Variants in PDCL2 observed in about 807,000 individuals in gnomAD.
The protein encoded by PDCL2 is phosducin-like protein 2.
Under a neutral mutation model 30.3 loss-of-function variants are expected in PDCL2, and 23 were observed. The ratio of observed to expected loss-of-function variants is 0.76; its 90% CI spans 0.55 to 1.08. The LOEUF is 1.08. Among genes scored for constraint, PDCL2 ranks in the 50% least tolerant of loss-of-function variants. The probability of loss-of-function intolerance (pLI) is 0.00; values close to 1 mark genes in which losing one functional copy is unlikely to be tolerated. For synonymous variants in PDCL2, 68 were observed against 86.2 expected (o/e 0.79, Z 1.17); for missense variants, 243 against 282.3 (o/e 0.86, Z 1.00).
In PDCL2 at chr4:55,582,193, G is replaced by A. The variant is rs780180638; in HGVS notation, c.51C>T (p.Phe17=). The change falls in exon 2 of 6, where the codon TTC becomes TTT. Residue 17 remains phenylalanine, a synonymous_variant. Transcript: ENST00000295645. ...ACTCTTCTTTAGGAGGAAGAATGCC[G>A]AAATCTCTTAAAATGTCATTCCATT... ...DTEWNDILRD[F]GILPPKEESK... is the part of the protein sequence containing the mutation. The A allele has an allele frequency of 1.8e-5, 29 of 1,611,418 alleles. No individual in the cohort carries two copies. The highest frequency in any genetic ancestry group is 4.0e-5 in the African/African-American group (3 of 74,846).
At chr4:55,574,647 C>T (rs1035881493) in intron 3 of PDCL2, among the ~76,000 whole-genome samples, 3 of 152,160 alleles carry the variant, frequency 2.0e-5, no homozygotes, top group African/African-American at 7.2e-5. Context: ...ACAATAAACC[C>T]ATATCTATTT....
chr4:55,558,628 C>T (rs557592329), intron 5 of PDCL2, among the ~76,000 whole-genome samples: 1 of 152,258 alleles, frequency 6.6e-6, no homozygotes, highest in South Asian at 2.1e-4. Context: ...CAATGTTATT[C>T]AAGACCTAAG....
intron 4 of PDCL2, among the ~76,000 whole-genome samples, chr4:55,563,643 T>C (rs961335568): frequency 2.0e-5 from 3 of 152,146 alleles, no homozygotes; most frequent in Non-Finnish European, 4.4e-5. Context: ...AACATGTACA[T>C]GAGAGAGGAA....
At chr4:55,565,108 C>A (rs1732228727) in intron 4 of PDCL2, among the ~76,000 whole-genome samples, 1 of 152,176 alleles carries the variant, frequency 6.6e-6, no homozygotes, top group Admixed American at 6.5e-5. Context: ...AGCCATTATT[C>A]TGGAAGTCAC....
At chr4:55,572,428 T>C (rs2110159658) in intron 3 of PDCL2, among the ~76,000 whole-genome samples, 1 of 152,362 alleles carries the variant, frequency 6.6e-6, no homozygotes, top group Non-Finnish European at 1.5e-5. Flanking sequence ...CACACTATTG[T>C]TGGCTTTACT....
rs562072485 is a variant in PDCL2 at position 55,562,925 on chromosome 4, A to C, written c.363-313T>G. Among the ~76,000 whole-genome samples the C allele has an allele frequency of 1.7e-4, 22 of 130,046 alleles. No individual in the cohort carries two copies. The South Asian group carries it at 4.9e-3, about 29-fold the overall frequency. The allele number at this position is 130,046 out of a possible 152,430, so 85.3% of individuals were successfully genotyped here. A position where few individuals can be genotyped will look rare whatever the true frequency, so the allele number is the denominator to read the frequency against. ...ACCCAGTTTGTAGAAAAAAAAAAAAAAAACAGGACACTTCTAGGAAATCCT... is the reference window on the plus strand; with the variant it reads ...ACCCAGTTTGTAGAAAAAAAAAAAACAAACAGGACACTTCTAGGAAATCCT... On this transcript the variant is annotated intron_variant, in intron 4 of 5. Transcript: ENST00000295645.
At chr4:55,583,260 A>G (rs977958815) in intron 1 of PDCL2, among the ~76,000 whole-genome samples, 2 of 152,088 alleles carry the variant, frequency 1.3e-5, no homozygotes, top group Non-Finnish European at 2.9e-5. Flanking sequence ...CTAATTTTAA[A>G]ATTGGGTTGT....
intron 3 of PDCL2, among the ~76,000 whole-genome samples, chr4:55,571,021 A>G (rs748280892): frequency 1.3e-5 from 2 of 152,072 alleles, no homozygotes; most frequent in African/African-American, 2.4e-5. Flanking sequence ...TCTAGGGCCC[A>G]TACCCTCAAT....
intron 1 of PDCL2, among the ~76,000 whole-genome samples, chr4:55,587,803 G>A (rs1193306964): frequency 6.6e-6 from 1 of 152,038 alleles, no homozygotes; most frequent in East Asian, 1.9e-4. Context: ...TGATCCACCT[G>A]CCTCAGCCTC....
chr4:55,578,565 A>G (rs376822638), intron 3 of PDCL2, among the ~76,000 whole-genome samples: 1 of 150,368 alleles, frequency 6.7e-6, no homozygotes, highest in Admixed American at 6.6e-5. Flanking sequence ...CTATTCTGCT[A>G]TTTTCCCTGA....
chr4:55,572,431 G>A (rs1172603415), intron 3 of PDCL2, among the ~76,000 whole-genome samples: 1 of 152,124 alleles, frequency 6.6e-6, no homozygotes, highest in East Asian at 1.9e-4. Flanking sequence ...ACTATTGTTG[G>A]CTTTACTATC....
At chr4:55,562,653 C>A (rs2279458) in intron 4 of PDCL2, 41 bp from the exon 5 acceptor site, 2 of 1,346,918 alleles carry the variant, frequency 1.5e-6, no homozygotes, top group African/African-American at 1.5e-5. Flanking sequence ...AATAAATGGG[C>A]TACTCATCTC....
At chr4:55,569,989 T>A (rs1732379058) in intron 3 of PDCL2, 128 bp from the exon 4 acceptor site, 1 of 616,710 alleles carries the variant, frequency 1.6e-6, no homozygotes, top group Admixed American at 3.6e-5. Flanking sequence ...AATGATGGGA[T>A]AACCATGAAT....
In PDCL2 at chr4:55,580,197, C is replaced by G. The variant is rs1480995005; in HGVS notation, c.218+624G>C. Among the ~76,000 whole-genome samples, 4 of 152,278 alleles carry G rather than the reference C, an allele frequency of 2.6e-5. No individual in the cohort carries two copies. The East Asian group carries it at 5.8e-4, about 22-fold the overall frequency. ...TCTTGCATTCCTGCAATCAATACTA[C>G]TTGATCAAGATTTATTATTTCCTTA... is the stretch of plus-strand genomic sequence containing the variant. On this transcript the variant is annotated intron_variant, in intron 3 of 5. Transcript: ENST00000295645.
intron 3 of PDCL2, among the ~76,000 whole-genome samples, chr4:55,577,902 G>A (rs905069776): frequency 1.3e-5 from 2 of 152,122 alleles, no homozygotes; most frequent in African/African-American, 4.8e-5. Context: ...TATGCCTTGT[G>A]ATTTTTGTTG....
intron 5 of PDCL2, among the ~76,000 whole-genome samples, 198 bp downstream of exon 5, chr4:55,562,206 G>C (rs1396028592): frequency 3.3e-5 from 5 of 152,094 alleles, no homozygotes; most frequent in Non-Finnish European, 7.4e-5. Context: ...TAATTTACTT[G>C]AGACAGGGAA....
At chr4:55,589,431 C>T (rs1233572117) in intron 1 of PDCL2, among the ~76,000 whole-genome samples, 1 of 152,180 alleles carries the variant, frequency 6.6e-6, no homozygotes, top group African/African-American at 2.4e-5. Flanking sequence ...TTTAAGGTTG[C>T]TGGACCACCC....
At chr4:55,577,641 C>G (rs186480822) in intron 3 of PDCL2, among the ~76,000 whole-genome samples, 1 of 152,142 alleles carries the variant, frequency 6.6e-6, no homozygotes, top group Non-Finnish European at 1.5e-5. Context: ...GAACTGGGGA[C>G]AAAGATCAGA....
intron 4 of PDCL2, among the ~76,000 whole-genome samples, chr4:55,568,536 G>A (rs956447781): frequency 6.6e-6 from 1 of 152,198 alleles, no homozygotes. Flanking sequence ...GAAAATCTGA[G>A]TAAGGACGAC....
Sources: allele counts gnomAD v4.1 joint callset (sites outside exome capture counted in the v4.1 genomes callset), GRCh38; gene constraint gnomAD v4.1.1; transcripts MANE v1.5; gene names NCBI Gene and HGNC (gene_info 2026-07-23, HGNC 2026-07-21).